Variants in THOC2 observed in about 807,000 individuals in gnomAD.
THOC2 encodes THO complex subunit 2, also known as THO complex 2.
Under a neutral mutation model 128.4 loss-of-function variants are expected in THOC2, and 10 were observed. The ratio of observed to expected loss-of-function variants is 0.08; its 90% confidence interval spans 0.05 to 0.13. The LOEUF (loss-of-function observed/expected upper bound fraction) is 0.13, where lower values mean the gene tolerates loss of function less well. Among genes scored for constraint, THOC2 ranks in the 10% least tolerant of loss-of-function variants. The probability of loss-of-function intolerance (pLI) is 1.00; values close to 1 mark genes in which losing one functional copy is unlikely to be tolerated. For synonymous variants in THOC2, 393 were observed against 396.9 expected (o/e 0.99, Z 0.12); for missense variants, 535 against 1,155.7 (o/e 0.46, Z 7.79).
intron 3 of THOC2, among the ~76,000 whole-genome samples, chrX:123,704,560 G>A (rs897738347): frequency 1.8e-5 from 2 of 111,555 alleles, no homozygotes; most frequent in African/African-American, 6.5e-5. Context: ...AGCCTTTGGA[G>A]AAAATGACCC....
intron 12 of THOC2, among the ~76,000 whole-genome samples, chrX:123,658,548 C>T (rs1055477026): frequency 8.9e-5 from 10 of 112,105 alleles, no homozygotes; most frequent in African/African-American, 3.2e-4. Context: ...TGAAAAGACA[C>T]AGAGGAAACC....
At chrX:123,725,616 C>CAAAAA (rs56708326) in intron 1 of THOC2, among the ~76,000 whole-genome samples, 3 of 32,743 alleles carry the variant, frequency 9.2e-5, no homozygotes, top group African/African-American at 3.7e-4. Flanking sequence ...GACCCTATCT[C>CAAAAA]AAAAAAAAAA....
chrX:123,639,031 GAAAACAGC>G lies in THOC2; in HGVS notation c.1747-12_1747-5del, dbSNP rs1316105116. ...ACTTCTGTATTTGTGACAAGATCTG[GAAAACAGC>G]AACAAACAATAGAAGGCATTAACTG... On this transcript the variant is annotated splice_region_variant and splice_polypyrimidine_tract_variant and intron_variant, in intron 16 of 38. Coordinates refer to ENST00000245838, the MANE Select transcript of THOC2 (RefSeq NM_001081550.2). The G allele has an allele frequency of 9.2e-7, 1 of 1,086,792 alleles. No homozygotes were observed. The highest frequency in any genetic ancestry group is 1.3e-6 in the Non-Finnish European group (1 of 791,578). The allele number at this position is 1,086,792 out of a possible 1,213,427, so 89.6% of individuals were successfully genotyped here.
chrX:123,702,581 T>TTA (rs1011822410), intron 4 of THOC2, among the ~76,000 whole-genome samples: 13 of 105,223 alleles, frequency 1.2e-4, no homozygotes, highest in Non-Finnish European at 2.1e-4. Context: ...CACATATATA[T>TTA]TATATATATC....
Position 123,613,715 on chromosome X carries a change from C to A in THOC2, c.4450-7G>T, listed in dbSNP as rs771500260. ...GGTCGTTGTTTGAGTGATCCTAGAA[C>A]CAAGAATTGTGAACTACATTGACCA... is the stretch of plus-strand genomic sequence containing the variant. On this transcript the variant is annotated splice_polypyrimidine_tract_variant and splice_region_variant and intron_variant, in intron 34 of 38. Transcript: ENST00000245838. The A allele has an allele frequency of 3.2e-5, 38 of 1,204,982 alleles. No homozygotes were observed. In the South Asian group the frequency reaches 6.7e-4, roughly 21 times the overall value.
In THOC2 at chrX:123,610,901, G is replaced by A. The variant is rs764937840; in HGVS notation, c.*18+17C>T. ...TGTTTCTATCATTAAGTGAAAAGGTGGTGAGAGAACACTCACCTTGATGGA... is the reference window on the plus strand; with the variant it reads ...TGTTTCTATCATTAAGTGAAAAGGTAGTGAGAGAACACTCACCTTGATGGA... On this transcript the variant is annotated intron_variant, in intron 38 of 38. Coordinates refer to ENST00000245838, the MANE Select transcript of THOC2 (RefSeq NM_001081550.2). The A allele has an allele frequency of 5.1e-6, 6 of 1,178,298 alleles. No homozygotes were observed. In the African/African-American group the frequency reaches 1.1e-4, roughly 21 times the overall value.
chrX:123,623,128 T>C lies in THOC2; in HGVS notation c.3659A>G (p.Asp1220Gly). The change falls in exon 29 of 39, where the codon GAT (aspartate) becomes GGT (glycine). Residue 1220 changes from aspartate (D) to glycine (G), a missense_variant. Around this residue, in one of 9 missense-constraint regions of THOC2, gnomAD observed 116 missense variants for 180.0 expected, o/e 0.64. Transcript: ENST00000245838. ...SSSIGSASKS[D>G]ESSTEETDKS... ...ACCAGTCTCCTCAGTACTGCTTTCA[T>C]CCGATTTAGATGCACTTCCTATTGA... 1 of 1,210,734 alleles carries C rather than the reference T, an allele frequency of 8.3e-7. No homozygotes were observed. The highest frequency in any genetic ancestry group is 1.1e-6 in the Non-Finnish European group (1 of 895,008).
chrX:123,631,902 G>C (rs1331229540), intron 21 of THOC2, 50 bp from the exon 22 acceptor site: 1 of 1,077,638 alleles, frequency 9.3e-7, no homozygotes, highest in African/African-American at 1.9e-5. Flanking sequence ...AAGTGATTAA[G>C]AAGTCATTTT....
chrX:123,648,344 C>A (rs1254358062), intron 12 of THOC2, among the ~76,000 whole-genome samples: 2 of 112,130 alleles, frequency 1.8e-5, no homozygotes, highest in Non-Finnish European at 3.8e-5. Context: ...GCCTACACTA[C>A]CAGGGTCCTG....
chrX:123,610,906 G>A lies in THOC2; in HGVS notation c.*18+12C>T. ...CTATCATTAAGTGAAAAGGTGGTGA[G>A]AGAACACTCACCTTGATGGAAAGTC... On this transcript the variant is annotated intron_variant, in intron 38 of 38. Coordinates refer to ENST00000245838, the MANE Select transcript of THOC2 (RefSeq NM_001081550.2). 2 of 1,193,548 alleles carry A rather than the reference G, an allele frequency of 1.7e-6. No individual in the cohort carries two copies. The highest frequency in any genetic ancestry group is 2.3e-6 in the Non-Finnish European group (2 of 882,224).
At chrX:123,695,817 G>A (rs1176575819) in intron 7 of THOC2, among the ~76,000 whole-genome samples, 2 of 110,891 alleles carry the variant, frequency 1.8e-5, no homozygotes, top group Admixed American at 9.6e-5. Context: ...ACAAGGTATA[G>A]TGACAATAAG....
chrX:123,679,298 A>AT (rs1569414360), intron 8 of THOC2, among the ~76,000 whole-genome samples: 2 of 111,559 alleles, frequency 1.8e-5, no homozygotes, highest in Non-Finnish European at 3.8e-5. Context: ...CCAATGGTTA[A>AT]TTTTCAGTCC....
At chrX:123,725,941 C>G (rs1209169966) in intron 1 of THOC2, among the ~76,000 whole-genome samples, 1 of 111,794 alleles carries the variant, frequency 8.9e-6, no homozygotes, top group Non-Finnish European at 1.9e-5. Flanking sequence ...GGCACCGTGG[C>G]TCACACCTAT....
chrX:123,613,797 T>C, intron 34 of THOC2, 89 bp from the exon 35 acceptor site: 1 of 881,274 alleles, frequency 1.1e-6, no homozygotes, highest in Admixed American at 2.3e-5. Context: ...CACAGCTAAC[T>C]AGCAATGGAG....
intron 8 of THOC2, among the ~76,000 whole-genome samples, chrX:123,672,101 T>C (rs777922487): frequency 1.3e-4 from 15 of 111,525 alleles, no homozygotes; most frequent in East Asian, 2.8e-4. Context: ...TCTGTTTATA[T>C]GTGTGTTTTC....
intron 36 of THOC2, 72 bp downstream of exon 36, chrX:123,613,327 C>A (rs1053417923): frequency 2.8e-6 from 3 of 1,068,983 alleles, no homozygotes; most frequent in South Asian, 2.0e-5. Flanking sequence ...GAAAAAAATT[C>A]AATATTTGCT....
chrX:123,727,190 G>A (rs898810076), intron 1 of THOC2, among the ~76,000 whole-genome samples: 2 of 110,455 alleles, frequency 1.8e-5, no homozygotes, highest in Non-Finnish European at 3.8e-5. Context: ...TCCAGCCTAG[G>A]TGACAAAGCA....
chrX:123,606,975 G>A (rs2046495290), intron 38 of THOC2, among the ~76,000 whole-genome samples: 1 of 110,894 alleles, frequency 9.0e-6, no homozygotes, highest in African/African-American at 3.3e-5. Flanking sequence ...CAACATCCCT[G>A]AGTTGAGGAT....
intron 7 of THOC2, among the ~76,000 whole-genome samples, chrX:123,692,171 AAGAGT>A (rs770137323): frequency 2.7e-5 from 3 of 111,843 alleles, no homozygotes; most frequent in Middle Eastern, 4.6e-3. Flanking sequence ...GGGCATCCAA[AAGAGT>A]AGAGTTCTTA....
Sources: allele counts gnomAD v4.1 joint callset (sites outside exome capture counted in the v4.1 genomes callset), GRCh38; gene constraint gnomAD v4.1.1; regional missense constraint gnomAD v4.1.1; transcripts MANE v1.5; gene names NCBI Gene and HGNC (gene_info 2026-07-23, HGNC 2026-07-21).